SGCD: variants seen among roughly 807,000 people sequenced by gnomAD.
SGCD encodes delta-sarcoglycan.
Under a neutral mutation model 36.6 loss-of-function variants are expected in SGCD, and 18 were observed. That is an observed-to-expected ratio of 0.49 (90% CI 0.34 to 0.73). The LOEUF is 0.73. Among genes scored for constraint, SGCD ranks in the 30% least tolerant of loss-of-function variants. The pLI is 0.01. For synonymous variants in SGCD, 133 were observed against 130.6 expected (o/e 1.02, Z -0.12); for missense variants, 387 against 346.7 (o/e 1.12, Z -0.92).
At chr5:156,352,502 G>A (rs1171893650) in intron 3 of SGCD, among the ~76,000 whole-genome samples, 1 of 152,178 alleles carries the variant, frequency 6.6e-6, no homozygotes, top group Non-Finnish European at 1.5e-5. Context: ...CCACACAAAG[G>A]AGATAATGGA....
chr5:156,339,567 G>A (rs1768536510), intron 2 of SGCD, among the ~76,000 whole-genome samples: 1 of 152,096 alleles, frequency 6.6e-6, no homozygotes. Context: ...AAATGCATTT[G>A]CTTTATTTCC....
chr5:156,353,635 T>G (rs770519331), intron 3 of SGCD, among the ~76,000 whole-genome samples: 1 of 152,232 alleles, frequency 6.6e-6, no homozygotes, highest in African/African-American at 2.4e-5. Flanking sequence ...CCAGCTTAGC[T>G]TGGGGACTTG....
intron 1 of SGCD, among the ~76,000 whole-genome samples, chr5:155,944,931 A>T (rs1757407955): frequency 6.6e-6 from 1 of 152,186 alleles, no homozygotes. Context: ...TAATAATAAT[A>T]AGGGAGTGTA....
chr5:156,500,531 C>G (rs1756398766), intron 3 of SGCD, among the ~76,000 whole-genome samples: 1 of 152,150 alleles, frequency 6.6e-6, no homozygotes, highest in South Asian at 2.1e-4. Context: ...AATTAAAAAC[C>G]CGTCCAATGC....
intron 3 of SGCD, among the ~76,000 whole-genome samples, chr5:156,171,628 G>A (rs6556457): frequency 0.25 from 38,009 of 152,038 alleles, 5,186 homozygotes; most frequent in East Asian, 0.59. Context: ...ACATGCTTAT[G>A]TAAGATGTTA....
At chr5:156,496,438 G>A (rs1455498855) in intron 3 of SGCD, among the ~76,000 whole-genome samples, 5 of 152,076 alleles carry the variant, frequency 3.3e-5, no homozygotes, top group Non-Finnish European at 7.4e-5. Flanking sequence ...GGCTGCGTAA[G>A]TAGTATCTAG....
At chr5:156,463,224 A>G (rs938740249) in intron 3 of SGCD, among the ~76,000 whole-genome samples, 2 of 151,976 alleles carry the variant, frequency 1.3e-5, no homozygotes, top group African/African-American at 2.4e-5. Context: ...TATTTTTTTT[A>G]GGAGAGATGG....
intron 6 of SGCD, among the ~76,000 whole-genome samples, chr5:156,603,537 C>A (rs965339887): frequency 6.6e-6 from 1 of 151,846 alleles, no homozygotes; most frequent in Non-Finnish European, 1.5e-5. Context: ...TTTACTTTTT[C>A]GATATAGGCA....
At chr5:156,702,559 A>G (rs1754568413) in intron 7 of SGCD, among the ~76,000 whole-genome samples, 1 of 152,168 alleles carries the variant, frequency 6.6e-6, no homozygotes. Context: ...CTCAATAAAA[A>G]GCAGTATGAT....
At chr5:156,482,417 T>C (rs1211709380) in intron 3 of SGCD, among the ~76,000 whole-genome samples, 1 of 152,232 alleles carries the variant, frequency 6.6e-6, no homozygotes, top group Non-Finnish European at 1.5e-5. Flanking sequence ...TTTACACATA[T>C]TAGCATTCCA....
chr5:156,633,236 C>T (rs544829304), intron 6 of SGCD, among the ~76,000 whole-genome samples: 13 of 152,146 alleles, frequency 8.5e-5, no homozygotes, highest in Admixed American at 1.3e-4. Context: ...TACTCACTGA[C>T]GATGTGCACT....
chr5:156,230,625 G>A (rs1764992546), intron 3 of SGCD, among the ~76,000 whole-genome samples: 1 of 152,126 alleles, frequency 6.6e-6, no homozygotes, highest in South Asian at 2.1e-4. Context: ...AAGGGTCTAT[G>A]TGTTCTCTTG....
intron 3 of SGCD, among the ~76,000 whole-genome samples, chr5:156,473,277 C>G (rs367925868): frequency 4.4e-4 from 67 of 152,336 alleles, no homozygotes; most frequent in South Asian, 2.5e-3. Context: ...GAACCCTATA[C>G]AGATGCTCCT....
At chr5:156,507,725 A>G (rs1756762541) in intron 3 of SGCD, among the ~76,000 whole-genome samples, 1 of 152,232 alleles carries the variant, frequency 6.6e-6, no homozygotes, top group African/African-American at 2.4e-5. Context: ...ACATTTATCA[A>G]ATAAAGTATA....
At chr5:156,081,693 C>T (rs746973916) in intron 1 of SGCD, among the ~76,000 whole-genome samples, 23 of 152,200 alleles carry the variant, frequency 1.5e-4, no homozygotes, top group Non-Finnish European at 2.6e-4. Flanking sequence ...TGTGCCCAAC[C>T]ATGTTCCCTT....
intron 3 of SGCD, among the ~76,000 whole-genome samples, chr5:156,219,707 C>G (rs528330586): frequency 1.6e-3 from 242 of 152,296 alleles, no homozygotes; most frequent in African/African-American, 5.5e-3. Context: ...GATATAGCTA[C>G]AACTGCCATT....
intron 3 of SGCD, among the ~76,000 whole-genome samples, chr5:156,134,855 A>G (rs963340384): frequency 3.7e-4 from 57 of 152,120 alleles, no homozygotes; most frequent in African/African-American, 1.2e-3. Context: ...AAAAAATAAT[A>G]ATAATAAAGT....
At chr5:156,135,188 T>A (rs954653300) in intron 3 of SGCD, among the ~76,000 whole-genome samples, 1 of 152,336 alleles carries the variant, frequency 6.6e-6, no homozygotes, top group African/African-American at 2.4e-5. Context: ...TTGATTCTTT[T>A]TGGATTTTCT....
At chr5:155,952,323 A>G (rs1036397792) in intron 1 of SGCD, among the ~76,000 whole-genome samples, 2 of 152,112 alleles carry the variant, frequency 1.3e-5, no homozygotes, top group Non-Finnish European at 1.5e-5. Context: ...ATACTGCGTC[A>G]AAGTGGATGT....
Sources: allele counts gnomAD v4.1 joint callset (sites outside exome capture counted in the v4.1 genomes callset), GRCh38; gene constraint gnomAD v4.1.1; transcripts MANE v1.5; gene names NCBI Gene and HGNC (gene_info 2026-07-23, HGNC 2026-07-21).